Variants in OR52E5 observed in about 807,000 individuals in gnomAD.
The protein encoded by OR52E5 is olfactory receptor 52E5.
intron 2 of OR52E5, among the ~76,000 whole-genome samples, chr11:5,900,285 A>G (rs147143709): frequency 1.7e-3 from 257 of 152,234 alleles, no homozygotes; most frequent in African/African-American, 5.6e-3. Context: ...CTCCTCTCAC[A>G]GAGAATATTC....
chr11:5,898,360 C>T (rs1468387071), intron 2 of OR52E5, among the ~76,000 whole-genome samples: 1 of 152,112 alleles, frequency 6.6e-6, no homozygotes, highest in Non-Finnish European at 1.5e-5. Context: ...GCATAGTTTG[C>T]AAATATTTTC....
intron 2 of OR52E5, among the ~76,000 whole-genome samples, chr11:5,898,107 C>G (rs1847200625): frequency 6.6e-6 from 1 of 152,044 alleles, no homozygotes; most frequent in African/African-American, 2.4e-5. Flanking sequence ...TATCCTCCCA[C>G]CTCGGCCTCC....
intron 2 of OR52E5, among the ~76,000 whole-genome samples, chr11:5,900,107 T>C (rs565647825): frequency 5.5e-4 from 84 of 152,328 alleles, no homozygotes; most frequent in Admixed American, 1.2e-3. Flanking sequence ...TCCAGTGTTT[T>C]CTATTCAGGA....
intron 1 of OR52E5, among the ~76,000 whole-genome samples, chr11:5,894,801 A>G (rs1236824190): frequency 6.6e-6 from 1 of 152,098 alleles, no homozygotes; most frequent in African/African-American, 2.4e-5. Flanking sequence ...TAATATTTTT[A>G]ATATTTTCCT....
At chr11:5,894,285 C>G (rs1847143095) in intron 1 of OR52E5, among the ~76,000 whole-genome samples, 1 of 152,104 alleles carries the variant, frequency 6.6e-6, no homozygotes, top group South Asian at 2.1e-4. Flanking sequence ...TCTTCAAGAG[C>G]TTCTGATTAA....
In OR52E5 at chr11:5,900,961, T is replaced by C. The variant is rs1238442625; in HGVS notation, c.185T>C (p.Phe62Ser). The C allele has an allele frequency of 2.5e-6, 1 of 401,652 alleles. No individual in the cohort carries two copies. The highest frequency in any genetic ancestry group is 4.4e-6 in the Non-Finnish European group (1 of 226,296). The allele number at this position is 401,652 out of a possible 1,614,324, so 24.9% of individuals were successfully genotyped here. A position where few individuals can be genotyped will look rare whatever the true frequency, so the allele number is the denominator to read the frequency against. ...QTEQSLHQPM[F>S]YFLAMLAGTD... is the part of the protein sequence containing the mutation. ...GAACAGAGCCTCCACCAACCCATGT[T>C]TTACTTCCTAGCCATGTTGGCCGGC... Residue 62 changes from phenylalanine (F) to serine (S), a missense_variant, in exon 3 of 3, where the codon TTT becomes TCT. Phe to Ser is a radical substitution (Grantham distance 155). Transcript: ENST00000610445.
chr11:5,900,286 G>C (rs1847231338), intron 2 of OR52E5, among the ~76,000 whole-genome samples: 1 of 151,948 alleles, frequency 6.6e-6, no homozygotes, highest in African/African-American at 2.4e-5. Context: ...TCCTCTCACA[G>C]AGAATATTCT....
chr11:5,900,950 C>G lies in OR52E5; in HGVS notation c.174C>G (p.His58Gln), dbSNP rs2134296926. Residue 58 changes from histidine (H) to glutamine (Q), a missense_variant, in exon 3 of 3, where the codon CAC (histidine) becomes CAG (glutamine). Coordinates refer to ENST00000610445, the MANE Select transcript of OR52E5 (RefSeq NM_001005166.5). ...TGATACAGACTGAACAGAGCCTCCA[C>G]CAACCCATGTTTTACTTCCTAGCCA... ...LFVIQTEQSL[H>Q]QPMFYFLAML... The G allele has an allele frequency of 5.0e-6, 2 of 401,614 alleles. No individual in the cohort carries two copies. The highest frequency in any genetic ancestry group is 7.1e-5 in the East Asian group (2 of 28,072). The allele number at this position is 401,614 out of a possible 1,614,324, so 24.9% of individuals were successfully genotyped here.
In OR52E5 at chr11:5,900,820, T is replaced by C; in HGVS notation, c.44T>C (p.Leu15Pro). 1 of 401,364 alleles carries C rather than the reference T, an allele frequency of 2.5e-6. No homozygotes were observed. 24.9% of individuals were successfully genotyped at this position (401,364 alleles called of 1,614,324 possible). A position where few individuals can be genotyped will look rare whatever the true frequency, so the allele number is the denominator to read the frequency against. Reference sequence around the variant, plus strand: ...ACACAGTTTCACCCTTCCACCTTCCTCGTAGTGGGGGTCCCAGGGCTGGAA... The same window carrying C: ...ACACAGTTTCACCCTTCCACCTTCCCCGTAGTGGGGGTCCCAGGGCTGGAA... The part of the protein sequence containing the change: ...NNTQFHPSTF[L>P]VVGVPGLEDV... The change falls in exon 3 of 3, where the codon CTC becomes CCC. Residue 15 changes from leucine (L) to proline (P), a missense_variant. Transcript: ENST00000610445.
chr11:5,896,462 A>G (rs1847177240), intron 2 of OR52E5, among the ~76,000 whole-genome samples: 3 of 151,782 alleles, frequency 2.0e-5, no homozygotes, highest in South Asian at 4.2e-4. Flanking sequence ...AAAAATTTGA[A>G]TGAAAAATTA....
chr11:5,901,618 T>C lies in OR52E5; in HGVS notation c.842T>C (p.Val281Ala), dbSNP rs1847256040. 2 of 401,448 alleles carry C rather than the reference T, an allele frequency of 5.0e-6. No individual in the cohort carries two copies. Among genetic ancestry groups the C allele is most frequent in the Non-Finnish European group, 8.8e-6 (2 of 226,292 alleles). The allele number at this position is 401,448 out of a possible 1,614,324, so 24.9% of individuals were successfully genotyped here. ...IHILLANLYV[V>A]FPPALNSVIY... The stretch of plus-strand genomic sequence containing the variant: ...ATTCTTCTGGCCAATCTGTATGTGG[T>C]TTTTCCCCCTGCTCTTAACTCTGTT... The change falls in exon 3 of 3, where the codon GTT becomes GCT. Residue 281 changes from valine to alanine, a missense_variant. Coordinates refer to ENST00000610445, the MANE Select transcript of OR52E5 (RefSeq NM_001005166.5).
At chr11:5,897,077 G>A (rs1186132838) in intron 2 of OR52E5, among the ~76,000 whole-genome samples, 2 of 152,196 alleles carry the variant, frequency 1.3e-5, no homozygotes, top group African/African-American at 4.8e-5. Flanking sequence ...AAGCTAATTT[G>A]TGGTTATTAG....
At chr11:5,899,251 A>G (rs551576171) in intron 2 of OR52E5, among the ~76,000 whole-genome samples, 3 of 152,254 alleles carry the variant, frequency 2.0e-5, no homozygotes, top group African/African-American at 7.2e-5. Context: ...GTATATAGAA[A>G]TGCTACTCAT....
intron 2 of OR52E5, among the ~76,000 whole-genome samples, chr11:5,897,963 A>G (rs1847198224): frequency 6.6e-6 from 1 of 151,958 alleles, no homozygotes; most frequent in African/African-American, 2.4e-5. Context: ...CCCAGGTTCC[A>G]GTGATCTTCT....
chr11:5,900,331 T>C (rs898214614), intron 2 of OR52E5, among the ~76,000 whole-genome samples: 3 of 151,868 alleles, frequency 2.0e-5, no homozygotes, highest in African/African-American at 7.3e-5. Flanking sequence ...GAATGTATCA[T>C]TCCTCTTATC....
chr11:5,901,296 C>T lies in OR52E5; in HGVS notation c.520C>T (p.Arg174Trp), dbSNP rs1396680096. ...CCTGAGATTGCCTTTCTGTGGTGTC[C>T]GGATTATCCCTCATACCTATTGTGA... Reference protein sequence around the residue: ...LILRLPFCGVRIIPHTYCEHM... With the variant: ...LILRLPFCGVWIIPHTYCEHM... The change falls in exon 3 of 3, where the codon CGG becomes TGG. Residue 174 changes from arginine to tryptophan, a missense_variant. Physicochemically the swap from Arg to Trp is moderately radical, Grantham distance 101. Coordinates refer to ENST00000610445, the MANE Select transcript of OR52E5 (RefSeq NM_001005166.5). The T allele has an allele frequency of 2.0e-5, 8 of 401,500 alleles. No homozygotes were observed. The highest frequency in any genetic ancestry group is 3.1e-4 in the Middle Eastern group (1 of 3,250). The allele number at this position is 401,500 out of a possible 1,614,324, so 24.9% of individuals were successfully genotyped here. A position where few individuals can be genotyped will look rare whatever the true frequency, so the allele number is the denominator to read the frequency against.
At chr11:5,895,817 C>G (rs1185478167) in intron 2 of OR52E5, 104 bp downstream of exon 2, 2 of 152,394 alleles carry the variant, frequency 1.3e-5, no homozygotes, top group East Asian at 3.9e-4. Flanking sequence ...AATCCCACCA[C>G]TTTGATAGGC....
At chr11:5,896,507 T>G (rs1378260464) in intron 2 of OR52E5, among the ~76,000 whole-genome samples, 2 of 152,092 alleles carry the variant, frequency 1.3e-5, no homozygotes, top group Non-Finnish European at 2.9e-5. Context: ...GTAAGGATGT[T>G]ACATATTAAT....
chr11:5,901,202 A>C lies in OR52E5; in HGVS notation c.426A>C (p.Val142=). 1 of 401,520 alleles carries C rather than the reference A, an allele frequency of 2.5e-6. No homozygotes were observed. Among genetic ancestry groups the C allele is most frequent in the Non-Finnish European group, 4.4e-6 (1 of 226,324 alleles). The allele number at this position is 401,520 out of a possible 1,614,324, so 24.9% of individuals were successfully genotyped here. ...ATAGCATGATCCTTACCAACAAGGT[A>C]ATAGCCATTCTGGGCATAGTCATCA... ...LRYSMILTNK[V]IAILGIVIIV... The change falls in exon 3 of 3, where the codon GTA becomes GTC. Residue 142 remains valine, a synonymous_variant. Coordinates refer to ENST00000610445, the MANE Select transcript of OR52E5 (RefSeq NM_001005166.5).
Sources: allele counts gnomAD v4.1 joint callset (sites outside exome capture counted in the v4.1 genomes callset), GRCh38; gene constraint gnomAD v4.1.1; transcripts MANE v1.5; gene names NCBI Gene and HGNC (gene_info 2026-07-23, HGNC 2026-07-21).